SNCG: variants seen among roughly 807,000 people sequenced by gnomAD.
SNCG encodes synuclein gamma.
In SNCG, 13 loss-of-function variants were observed where a neutral mutation model predicts 16.0. That is an observed-to-expected ratio of 0.81 (90% CI 0.53 to 1.29). The LOEUF is 1.29. Ranked by LOEUF, SNCG falls within the 50% of genes most tolerant of loss-of-function variation. The pLI is 0.00. For missense variants in SNCG, 154 were observed against 168.5 expected (o/e 0.91, Z 0.48); for synonymous variants, 66 against 66.3 (o/e 1.00, Z 0.02).
rs1174313705 is a variant in SNCG, at chr10:86,960,062, C to G, written c.225C>G (p.Asn75Lys). The change falls in exon 3 of 5, where the codon AAC becomes AAG. Residue 75 changes from asparagine (N) to lysine (K), a missense_variant. Coordinates refer to ENST00000372017, the MANE Select transcript of SNCG (RefSeq NM_003087.3). ...GCGAGGCTGTGGTGAGCAGCGTCAA[C>G]ACTGTGGCCACCAAGACCGTGGAGG... is the stretch of plus-strand genomic sequence containing the variant. ...AVSEAVVSSV[N>K]TVATKTVEEA... 8.1e-6 allele frequency: 13 copies of G among 1,613,196 alleles called. No individual in the cohort carries two copies. The South Asian group carries it at 1.3e-4, about 16-fold the overall frequency.
rs758595946 is a variant in SNCG at position 86,958,606 on chromosome 10, G to A, written c.-92G>A. The A allele has an allele frequency of 8.9e-5, 125 of 1,408,236 alleles. No individual in the cohort carries two copies. The highest frequency in any genetic ancestry group is 1.1e-4 in the Non-Finnish European group (111 of 1,054,982). The allele number at this position is 1,408,236 out of a possible 1,614,324, so 87.2% of individuals were successfully genotyped here. A position where few individuals can be genotyped will look rare whatever the true frequency, so the allele number is the denominator to read the frequency against. On this transcript the variant is annotated 5_prime_UTR_variant, in exon 1 of 5. Transcript: ENST00000372017. The stretch of plus-strand genomic sequence containing the variant: ...TCAATAGGAGGCATCGGGGACAGCC[G>A]CTGCGGCAGCACTCGAGCCAGCTCA...
chr10:86,963,229 T>A lies in SNCG; in HGVS notation c.*244T>A, dbSNP rs2133699192. The A allele has an allele frequency of 2.3e-6, 1 of 428,168 alleles. No homozygotes were observed. Among genetic ancestry groups the A allele is most frequent in the East Asian group, 3.5e-5 (1 of 28,174 alleles). The allele number at this position is 428,168 out of a possible 1,614,324, so 26.5% of individuals were successfully genotyped here. ...TGCTGCTGTGAATTTTTTTTTTAAA[T>A]GATTCCAAATAAAACTTGAGCCCAC... is the stretch of plus-strand genomic sequence containing the variant. On this transcript the variant is annotated 3_prime_UTR_variant, in exon 5 of 5. Coordinates refer to ENST00000372017, the MANE Select transcript of SNCG (RefSeq NM_003087.3).
At position 86,959,973 on chromosome 10, in the gene SNCG, G is replaced by A. The variant is rs1844312067; in HGVS notation, c.164-28G>A. 1.3e-6 allele frequency: 2 copies of A among 1,571,186 alleles called. No individual in the cohort carries two copies. Among genetic ancestry groups the A allele is most frequent in the Non-Finnish European group, 1.7e-6 (2 of 1,159,120 alleles). ...GGCCTGCCTTGGGGCTGGGGCTGGG[G>A]TGGAGGCCAGCCAGTGTCCTCCCAT... On this transcript the variant is annotated intron_variant, in intron 2 of 4. Coordinates refer to ENST00000372017, the MANE Select transcript of SNCG (RefSeq NM_003087.3). This position sits in a 1 kb window ranked among gnomAD's most constrained non-coding sequence, Gnocchi z 4.3.
intron 4 of SNCG, 67 bp downstream of exon 4, chr10:86,962,742 G>A (rs1019551508): frequency 1.8e-5 from 24 of 1,362,912 alleles, no homozygotes; most frequent in African/African-American, 1.6e-4. Context: ...CCCCACAGAC[G>A]CACTGCTTCC....
Position 86,959,541 on chromosome 10 carries a change from C to T in SNCG, c.122-92C>T, listed in dbSNP as rs1230878247. 3.4e-6 allele frequency: 4 copies of T among 1,192,738 alleles called. No individual in the cohort carries two copies. Among genetic ancestry groups the T allele is most frequent in the East Asian group, 4.8e-5 (2 of 42,046 alleles). 73.9% of individuals were successfully genotyped at this position (1,192,738 alleles called of 1,614,324 possible). On this transcript the variant is annotated intron_variant, in intron 1 of 4. Coordinates refer to ENST00000372017, the MANE Select transcript of SNCG (RefSeq NM_003087.3). The surrounding 1 kb of genome is among the most constrained non-coding windows in gnomAD (Gnocchi z 4.3). ...CACCATCCTTACCCCCCCACCGACC[C>T]CACAGTTTGTCCAGCTGTTCTGTTG...
At position 86,958,810 on chromosome 10, in the gene SNCG, T is replaced by G; in HGVS notation, c.113T>G (p.Met38Arg). 1 of 1,607,246 alleles carries G rather than the reference T, an allele frequency of 6.2e-7. No homozygotes were observed. Residue 38 changes from methionine (M) to arginine (R), a missense_variant, in exon 1 of 5, where the codon ATG (methionine) becomes AGG (arginine). Transcript: ENST00000372017. ...GCTGAGAAGACCAAGGAGGGGGTCA[T>G]GTATGTGGGTAAGTGGGGCATGGCA... is the stretch of plus-strand genomic sequence containing the variant. ...EAAEKTKEGVMYVGAKTKENV... is the reference protein window; with the variant it reads ...EAAEKTKEGVRYVGAKTKENV...
intron 3 of SNCG, 151 bp from the exon 4 acceptor site, chr10:86,962,453 C>A: frequency 3.5e-6 from 2 of 567,866 alleles, no homozygotes; most frequent in Non-Finnish European, 6.4e-6. Context: ...GAATTGCACG[C>A]CCCCAATACC....
intron 3 of SNCG, among the ~76,000 whole-genome samples, chr10:86,961,158 G>A (rs1844342185): frequency 6.6e-6 from 1 of 152,066 alleles, no homozygotes; most frequent in South Asian, 2.1e-4. Flanking sequence ...GGAAGGGTGG[G>A]GGCTGCCCTA....
At chr10:86,958,938 C>A (rs751762720) in intron 1 of SNCG, 120 bp downstream of exon 1, 1 of 1,124,730 alleles carries the variant, frequency 8.9e-7, no homozygotes, top group Non-Finnish European at 1.3e-6. Context: ...GAGGCCCTGG[C>A]TATCAAGGTG....
At position 86,959,832 on chromosome 10, in the gene SNCG, G is replaced by C; in HGVS notation, c.163+158G>C. 2 of 1,288,302 alleles carry C rather than the reference G, an allele frequency of 1.6e-6. No homozygotes were observed. Among genetic ancestry groups the C allele is most frequent in the South Asian group, 1.5e-5 (1 of 67,596 alleles). 79.8% of individuals were successfully genotyped at this position (1,288,302 alleles called of 1,614,324 possible). Reference sequence around the variant, plus strand: ...ACCATGAGGCTAAACTAGGGTGGGCGTCTCCTTACCCCCACCAGCATCAGA... The same window carrying C: ...ACCATGAGGCTAAACTAGGGTGGGCCTCTCCTTACCCCCACCAGCATCAGA... On this transcript the variant is annotated intron_variant, in intron 2 of 4. Transcript: ENST00000372017. The surrounding 1 kb of genome is among the most constrained non-coding windows in gnomAD (Gnocchi z 4.3).
At chr10:86,956,387 C>A (rs1381834952), upstream of SNCG, among the ~76,000 whole-genome samples, 1 of 152,224 alleles carries the variant, frequency 6.6e-6, no homozygotes, top group African/African-American at 2.4e-5. Flanking sequence ...CCAGGCAGGT[C>A]CGCTCTGCGA....
upstream of SNCG, among the ~76,000 whole-genome samples, chr10:86,955,997 A>G: frequency 6.6e-6 from 1 of 152,148 alleles, no homozygotes; most frequent in East Asian, 1.9e-4. Flanking sequence ...GGGGAGGAAG[A>G]GGAGCAGCTC....
chr10:86,958,114 G>A (rs561700793), upstream of SNCG: 1 of 985,030 alleles, frequency 1.0e-6, no homozygotes, highest in South Asian at 4.7e-5. Flanking sequence ...TTTCATGGCA[G>A]CCCAGGGTCC....
chr10:86,962,317 C>T (rs1844367423), intron 3 of SNCG, among the ~76,000 whole-genome samples: 1 of 152,162 alleles, frequency 6.6e-6, no homozygotes, highest in Non-Finnish European at 1.5e-5. Context: ...ACCCAGGTTC[C>T]TCATCAGTGA....
At chr10:86,958,498 C>T (rs1844274686), upstream of SNCG, 1 of 595,026 alleles carries the variant, frequency 1.7e-6, no homozygotes, top group Non-Finnish European at 2.4e-6. Context: ...GAACCTCCTT[C>T]CCTCCCTCCC....
chr10:86,958,785 G>C lies in SNCG; in HGVS notation c.88G>C (p.Ala30Pro), dbSNP rs531523381. ...GACCAAGCAGGGGGTGACGGAAGCA[G>C]CTGAGAAGACCAAGGAGGGGGTCAT... ...EKTKQGVTEA[A>P]EKTKEGVMYV... Residue 30 changes from alanine (A) to proline (P), a missense_variant, in exon 1 of 5, where the codon GCT becomes CCT. Coordinates refer to ENST00000372017, the MANE Select transcript of SNCG (RefSeq NM_003087.3). The C allele has an allele frequency of 6.2e-7, 1 of 1,612,856 alleles. No individual in the cohort carries two copies. Among genetic ancestry groups the C allele is most frequent in the Non-Finnish European group, 8.5e-7 (1 of 1,179,384 alleles).
At position 86,963,201 on chromosome 10, in the gene SNCG, T is replaced by G; in HGVS notation, c.*216T>G. 4 of 427,954 alleles carry G rather than the reference T, an allele frequency of 9.3e-6. No individual in the cohort carries two copies. Among genetic ancestry groups the G allele is most frequent in the Non-Finnish European group, 1.6e-5 (4 of 244,988 alleles). The allele number at this position is 427,954 out of a possible 1,614,324, so 26.5% of individuals were successfully genotyped here. ...CACCCTCTGGTCCTTCTGACCCCAC[T>G]TATGCTGCTGTGAATTTTTTTTTTA... On this transcript the variant is annotated 3_prime_UTR_variant, in exon 5 of 5. Transcript: ENST00000372017.
chr10:86,959,799 C>A lies in SNCG; in HGVS notation c.163+125C>A. 1 of 1,242,538 alleles carries A rather than the reference C, an allele frequency of 8.0e-7. No individual in the cohort carries two copies. Among genetic ancestry groups the A allele is most frequent in the Non-Finnish European group, 1.1e-6 (1 of 901,732 alleles). 77.0% of individuals were successfully genotyped at this position (1,242,538 alleles called of 1,614,324 possible). A position where few individuals can be genotyped will look rare whatever the true frequency, so the allele number is the denominator to read the frequency against. ...AACTGGGGTCCCAAGCCCTACAGACCCCTGCAGACCATGAGGCTAAACTAG... is the reference window on the plus strand; with the variant it reads ...AACTGGGGTCCCAAGCCCTACAGACACCTGCAGACCATGAGGCTAAACTAG... On this transcript the variant is annotated intron_variant, in intron 2 of 4. Transcript: ENST00000372017. This position sits in a 1 kb window ranked among gnomAD's most constrained non-coding sequence, Gnocchi z 4.3.
intron 4 of SNCG, 132 bp from the exon 5 acceptor site, chr10:86,962,833 C>T (rs567961660): frequency 1.7e-6 from 2 of 1,205,974 alleles, no homozygotes; most frequent in East Asian, 5.1e-5. Flanking sequence ...TAACCCTGAA[C>T]CTGAGTGGGA....
Sources: gnomAD v4.1 joint callset for allele counts (sites outside exome capture counted in the v4.1 genomes callset) on GRCh38, gnomAD v4.1.1 for gene constraint, Gnocchi (gnomAD v3.1) non-coding constraint, MANE v1.5 for transcripts, NCBI Gene and HGNC (gene_info 2026-07-23, HGNC 2026-07-21) for gene names.